The following VWA5B1 variants were observed in gnomAD, a reference collection of about 807,000 sequenced individuals.
VWA5B1 encodes the protein von Willebrand factor A domain-containing protein 5B1.
Under a neutral mutation model 118.2 loss-of-function variants are expected in VWA5B1, and 115 were observed. The observed-to-expected ratio is 0.97, with a 90% CI of 0.84 to 1.14. The LOEUF is 1.14. Ranked by LOEUF, VWA5B1 falls within the 50% of genes most tolerant of loss-of-function variation. VWA5B1 has a pLI of 0.00. For missense variants in VWA5B1, 1,596 were observed against 1,603.8 expected (o/e 1.00, Z 0.08); for synonymous variants, 682 against 658.4 (o/e 1.04, Z -0.55).
chr1:20,349,728 TGA>T, intron 18 of VWA5B1, among the ~76,000 whole-genome samples: 1 of 135,032 alleles, frequency 7.4e-6, no homozygotes, highest in African/African-American at 2.9e-5. Context: ...CCCACATTCC[TGA>T]CTTTTTTTTT....
At chr1:20,349,464 A>G (rs2090078467) in intron 18 of VWA5B1, among the ~76,000 whole-genome samples, 1 of 151,868 alleles carries the variant, frequency 6.6e-6, no homozygotes, top group Admixed American at 6.6e-5. Context: ...GCTCACTGCA[A>G]CGTCCACCTC....
At chr1:20,341,964 A>G (rs2089885636) in intron 14 of VWA5B1, among the ~76,000 whole-genome samples, 1 of 152,230 alleles carries the variant, frequency 6.6e-6, no homozygotes, top group Non-Finnish European at 1.5e-5. Flanking sequence ...AATAAATTTC[A>G]TGTAAATCAA....
At chr1:20,311,658 G>A (rs1452622813) in intron 2 of VWA5B1, among the ~76,000 whole-genome samples, 2 of 152,104 alleles carry the variant, frequency 1.3e-5, no homozygotes, top group Admixed American at 6.5e-5. Context: ...GGAGGACACC[G>A]GCCAGGATTC....
intron 7 of VWA5B1, among the ~76,000 whole-genome samples, chr1:20,321,609 T>C (rs1237547434): frequency 6.6e-6 from 1 of 151,696 alleles, no homozygotes; most frequent in East Asian, 1.9e-4. Context: ...AAAAAGCAAA[T>C]CAATGAGCCA....
In VWA5B1 at chr1:20,354,160, A is replaced by T; in HGVS notation, c.3545A>T (p.Gln1182Leu). 6.4e-7 allele frequency: 1 copy of T among 1,551,344 alleles called. No individual in the cohort carries two copies. Among genetic ancestry groups the T allele is most frequent in the Non-Finnish European group, 8.7e-7 (1 of 1,146,992 alleles). The stretch of plus-strand genomic sequence containing the variant: ...CAGGAAGTACCCGAGGGCCGCACGC[A>T]GGGCACACTCAAGGCCGCTGCCCGC... The part of the protein sequence containing the change: ...EQQEVPEGRT[Q>L]GTLKAAARQL... The change falls in exon 22 of 22, where the codon CAG becomes CTG. Residue 1182 changes from glutamine (Q) to leucine (L), a missense_variant. Coordinates refer to ENST00000289815, the MANE Select transcript of VWA5B1 (RefSeq NM_001039500.3).
chr1:20,344,944 G>T (rs2089976040), intron 16 of VWA5B1, among the ~76,000 whole-genome samples: 1 of 152,164 alleles, frequency 6.6e-6, no homozygotes, highest in Admixed American at 6.5e-5. Flanking sequence ...TCTGGGGTCA[G>T]ACCATCCTGA....
In VWA5B1 at chr1:20,312,833, C is replaced by G; in HGVS notation, c.140-3C>G. 1 of 1,547,976 alleles carries G rather than the reference C, an allele frequency of 6.5e-7. No individual in the cohort carries two copies. Among genetic ancestry groups the G allele is most frequent in the Admixed American group, 2.0e-5 (1 of 50,862 alleles). On this transcript the variant is annotated splice_polypyrimidine_tract_variant and splice_region_variant and intron_variant, in intron 2 of 21. Coordinates refer to ENST00000289815, the MANE Select transcript of VWA5B1 (RefSeq NM_001039500.3). ...CCCGTGATGCTGGGCCCTGCTCCGA[C>G]AGGCCTCTTCGTGTACCCCCTGGAT...
chr1:20,327,695 T>C (rs953713403), intron 8 of VWA5B1, among the ~76,000 whole-genome samples, 195 bp from the exon 9 acceptor site: 63 of 151,758 alleles, frequency 4.2e-4, no homozygotes, highest in African/African-American at 1.3e-3. Context: ...GTGGTGGTGG[T>C]GGCTTTGGTC....
intron 1 of VWA5B1, among the ~76,000 whole-genome samples, chr1:20,302,137 A>G (rs962731024): frequency 4.6e-5 from 7 of 152,108 alleles, no homozygotes; most frequent in African/African-American, 1.7e-4. Context: ...GTCCAGACTG[A>G]CTGTCCAGGA....
chr1:20,307,560 G>T (rs1055925154), intron 1 of VWA5B1, among the ~76,000 whole-genome samples: 10 of 152,202 alleles, frequency 6.6e-5, no homozygotes, highest in African/African-American at 2.4e-4. Context: ...TATGTGCCTG[G>T]CACATTTTCA....
In VWA5B1 at chr1:20,310,678, G is replaced by A. The variant is rs1215293890; in HGVS notation, c.77G>A (p.Gly26Asp). ...TCTGATGTTACCTCCTGTGTCAGCGGTTATGCCCTGGGCCTAACTGCCTCC... is the reference window on the plus strand; with the variant it reads ...TCTGATGTTACCTCCTGTGTCAGCGATTATGCCCTGGGCCTAACTGCCTCC... ...TASDVTSCVS[G>D]YALGLTASLT... The change falls in exon 2 of 22, where the codon GGT (glycine) becomes GAT (aspartate). Residue 26 changes from glycine (G) to aspartate (D), a missense_variant. Coordinates refer to ENST00000289815, the MANE Select transcript of VWA5B1 (RefSeq NM_001039500.3). The A allele has an allele frequency of 3.2e-6, 5 of 1,550,980 alleles. No individual in the cohort carries two copies. Among genetic ancestry groups the A allele is most frequent in the Non-Finnish European group, 4.4e-6 (5 of 1,146,772 alleles).
intron 7 of VWA5B1, among the ~76,000 whole-genome samples, chr1:20,320,440 T>C (rs551041006): frequency 6.6e-6 from 1 of 152,316 alleles, no homozygotes; most frequent in Admixed American, 6.5e-5. Context: ...CTCAGCCAGA[T>C]GAGTCAGTTG....
intron 1 of VWA5B1, among the ~76,000 whole-genome samples, chr1:20,299,262 G>T (rs907851167): frequency 2.6e-5 from 4 of 152,126 alleles, no homozygotes; most frequent in African/African-American, 9.7e-5. Flanking sequence ...TTAACCTTCA[G>T]CTGGTTCTGC....
chr1:20,344,735 T>C (rs973193037), intron 16 of VWA5B1, among the ~76,000 whole-genome samples: 1 of 152,210 alleles, frequency 6.6e-6, no homozygotes, highest in African/African-American at 2.4e-5. Flanking sequence ...TTTTGCTTTA[T>C]TTCTGTAATA....
intron 1 of VWA5B1, among the ~76,000 whole-genome samples, chr1:20,307,722 A>G (rs1025807285): frequency 6.6e-6 from 1 of 152,080 alleles, no homozygotes; most frequent in Non-Finnish European, 1.5e-5. Flanking sequence ...GTAGGTGCTT[A>G]TCAATGCTGG....
In VWA5B1 at chr1:20,352,167, C is replaced by CA; in HGVS notation, c.3136_3137insA (p.Pro1046HisfsTer20). 2 of 1,550,524 alleles carry CA rather than the reference C, an allele frequency of 1.3e-6. No homozygotes were observed. Among genetic ancestry groups the CA allele is most frequent in the South Asian group, 2.4e-5 (2 of 83,948 alleles). ...CGGGAACCAGAGCTTCGACTACATA[C>CA]CTCTGGTGAGTGCCCTGACCCCAGG... On this transcript the variant is annotated frameshift_variant, in exon 21 of 22. Coordinates refer to ENST00000289815, the MANE Select transcript of VWA5B1 (RefSeq NM_001039500.3). LOFTEE classifies it low-confidence loss of function (END_TRUNC).
At chr1:20,347,618 TA>T (rs1464622891) in intron 17 of VWA5B1, among the ~76,000 whole-genome samples, 1 of 152,048 alleles carries the variant, frequency 6.6e-6, no homozygotes, top group Admixed American at 6.6e-5. Context: ...TTTTTATTTT[TA>T]TTTTTTATTT....
chr1:20,323,376 C>A lies in VWA5B1; in HGVS notation c.987C>A (p.Arg329=). Residue 329 remains arginine (R), a synonymous_variant, in exon 8 of 22, where the codon CGC becomes CGA. Transcript: ENST00000289815. ...AERKTEIIRK[R]LHKDIPHHSV... ...TCCAGACAGAAATCATTCGAAAACG[C>A]CTCCACAAAGACATTCCCCACCACT... is the stretch of plus-strand genomic sequence containing the variant. 6.7e-7 allele frequency: 1 copy of A among 1,500,048 alleles called. No homozygotes were observed. Among genetic ancestry groups the A allele is most frequent in the Non-Finnish European group, 8.9e-7 (1 of 1,124,040 alleles). 92.9% of individuals were successfully genotyped at this position (1,500,048 alleles called of 1,614,324 possible).
At chr1:20,317,500 T>A in intron 4 of VWA5B1, 30 bp from the exon 5 acceptor site, 1 of 1,548,594 alleles carries the variant, frequency 6.5e-7, no homozygotes, top group Non-Finnish European at 8.7e-7. Flanking sequence ...CCCTGGCTGG[T>A]CTCCTTTCCT....
Sources: allele counts gnomAD v4.1 joint callset (sites outside exome capture counted in the v4.1 genomes callset), GRCh38; gene constraint gnomAD v4.1.1; transcripts MANE v1.5; gene names NCBI Gene and HGNC (gene_info 2026-07-23, HGNC 2026-07-21).